The following JCAD variants were observed in gnomAD, a reference collection of about 807,000 sequenced individuals.
JCAD encodes junctional cadherin 5-associated protein.
A neutral mutation model predicts 98.0 loss-of-function variants in JCAD; 40 were observed. The observed-to-expected ratio is 0.41, with a 90% CI of 0.32 to 0.53. The LOEUF is 0.53. Ranked by LOEUF, JCAD falls within the 20% of genes least tolerant of loss-of-function variation. The pLI, the probability that JCAD is intolerant of heterozygous loss-of-function variation, is 0.31. For missense variants in JCAD, 1,705 were observed against 1,738.1 expected (o/e 0.98, Z 0.34); for synonymous variants, 691 against 682.3 (o/e 1.01, Z -0.20).
Position 30,026,801 on chromosome 10 carries a change from G to C in JCAD, c.3347C>G (p.Ala1116Gly). The change falls in exon 3 of 4, where the codon GCA becomes GGA. Residue 1116 changes from alanine (A) to glycine (G), a missense_variant. Ala to Gly is a moderately conservative substitution (Grantham distance 60, BLOSUM62 0). This residue lies in a region of JCAD where 1,278 missense variants were observed against 1,243.1 expected (regional missense o/e 1.03). Coordinates refer to ENST00000375377, the MANE Select transcript of JCAD (RefSeq NM_020848.4). ...GGGGGACTCTGGGGTGCAGGCACTT[G>C]CATCGGGCTCAGCAGGCTGGTTCTG... ...AGQNQPAEPD[A>G]SACTPESPQE... 1.2e-6 allele frequency: 2 copies of C among 1,614,096 alleles called. No individual in the cohort carries two copies. The highest frequency in any genetic ancestry group is 2.2e-5 in the East Asian group (1 of 44,878).
At chr10:30,092,057 A>ATATATATATATATAT (rs1838281292) in intron 1 of JCAD, among the ~76,000 whole-genome samples, 3 of 24,502 alleles carry the variant, frequency 1.2e-4, no homozygotes, top group South Asian at 1.0e-3. Flanking sequence ...AAAAAAAAAA[A>ATATATATATATATAT]AAAAAAAATA....
At chr10:30,091,505 T>A (rs2132695726) in intron 1 of JCAD, among the ~76,000 whole-genome samples, 1 of 152,210 alleles carries the variant, frequency 6.6e-6, no homozygotes, top group East Asian at 1.9e-4. Flanking sequence ...GCTTAAGCAA[T>A]CCTCCCACCT....
intron 1 of JCAD, among the ~76,000 whole-genome samples, chr10:30,103,390 G>A (rs3847406): frequency 0.064 from 9,728 of 152,108 alleles, 921 homozygotes; most frequent in African/African-American, 0.21. Flanking sequence ...CATATGATCC[G>A]GCAATCCTGG....
At chr10:30,049,864 C>T (rs1217912243) in intron 1 of JCAD, among the ~76,000 whole-genome samples, 2 of 152,074 alleles carry the variant, frequency 1.3e-5, no homozygotes. Context: ...AGTATGAACT[C>T]AATAAATACT....
chr10:30,100,766 G>A (rs756055821), intron 1 of JCAD, among the ~76,000 whole-genome samples: 5 of 152,174 alleles, frequency 3.3e-5, no homozygotes, highest in Non-Finnish European at 4.4e-5. Context: ...TAATATGAGT[G>A]ACCAATGGCC....
Position 30,027,508 on chromosome 10 carries a change from GCC to G in JCAD, c.2638_2639del (p.Gly880LeufsTer11). ...TCATTTCCGGGCTGTTTCCGCGGAA[GCC>G]CACATCCTCCTGTCTGCAGTGAGCA... is the stretch of plus-strand genomic sequence containing the variant. ...NRAHCRQEDV[G>X]FRGNSPEMRV... On this transcript the variant is annotated frameshift_variant, in exon 3 of 4. Coordinates refer to ENST00000375377, the MANE Select transcript of JCAD (RefSeq NM_020848.4). LOFTEE classifies it high-confidence loss of function. The G allele has an allele frequency of 6.2e-7, 1 of 1,610,666 alleles. No homozygotes were observed. Among genetic ancestry groups the G allele is most frequent in the South Asian group, 1.1e-5 (1 of 91,078 alleles).
rs1838186784 is a variant in JCAD at position 30,087,622 on chromosome 10, T to C, written n.129-17801A>G. Among the ~76,000 whole-genome samples, 10 of 152,282 alleles carry C rather than the reference T, an allele frequency of 6.6e-5. 1 individual carries two copies. In the South Asian group the frequency reaches 2.1e-3, roughly 32 times the overall value. On this transcript the variant is annotated intron_variant and non_coding_transcript_variant, in intron 1 of 2. Coordinates refer to the JCAD transcript ENST00000465712. The stretch of plus-strand genomic sequence containing the variant: ...CACTGTCCATGGCAGGGAAAGTATA[T>C]CTCATTTAGGGACATGGTATTAACA...
rs192274382 is a variant in JCAD at position 30,082,676 on chromosome 10, A to G, written n.129-12855T>C. On this transcript the variant is annotated intron_variant and non_coding_transcript_variant, in intron 1 of 2. Coordinates refer to the JCAD transcript ENST00000465712. Reference sequence around the variant, plus strand: ...AGACCAGCCTGACCAACATGGAGAAACCCCATCTGTACTAAAAACACAAAA... The same window carrying G: ...AGACCAGCCTGACCAACATGGAGAAGCCCCATCTGTACTAAAAACACAAAA... 6.6e-5 allele frequency among the ~76,000 whole-genome samples: 10 copies of G among 151,716 alleles called. 1 individual carries two copies.
At chr10:30,040,128 G>C (rs982334159) in intron 2 of JCAD, among the ~76,000 whole-genome samples, 1 of 152,210 alleles carries the variant, frequency 6.6e-6, no homozygotes, top group African/African-American at 2.4e-5. Flanking sequence ...GATTATTTCA[G>C]ATCGGCATTG....
upstream of JCAD, among the ~76,000 whole-genome samples, chr10:30,063,278 C>G (rs1837730090): frequency 6.6e-6 from 1 of 152,160 alleles, no homozygotes; most frequent in Non-Finnish European, 1.5e-5. Context: ...CCCTGGATGC[C>G]CAATGTCCCC....
rs749611729 is a variant in JCAD at position 30,029,461 on chromosome 10, A to G, written c.687T>C (p.Ser229=). 1.5e-5 allele frequency: 24 copies of G among 1,614,136 alleles called. No individual in the cohort carries two copies. The South Asian group carries it at 2.2e-4, about 15-fold the overall frequency. The change falls in exon 3 of 4, where the codon TCT becomes TCC. Residue 229 remains serine (S), a synonymous_variant. Coordinates refer to ENST00000375377, the MANE Select transcript of JCAD (RefSeq NM_020848.4). ...GGGAAAGAACTCTAGGCAGTGAGCG[A>G]GACTTCCCTTTGTTTTGAGAATTCA... ...HVLNSQNKGK[S]RSLPRVLSPE... is the part of the protein sequence containing the mutation.
At chr10:30,090,703 A>T (rs984996878) in intron 1 of JCAD, among the ~76,000 whole-genome samples, 11 of 152,182 alleles carry the variant, frequency 7.2e-5, no homozygotes. Flanking sequence ...AAAAACTGAA[A>T]ACCAAATCAC....
chr10:30,109,373 A>G (rs1209363957), intron 1 of JCAD, among the ~76,000 whole-genome samples: 10 of 151,940 alleles, frequency 6.6e-5, no homozygotes, highest in Non-Finnish European at 7.4e-5. Flanking sequence ...CCTACTCCTA[A>G]TGTCCCTATC....
chr10:30,101,269 C>T (rs544257912), intron 1 of JCAD, among the ~76,000 whole-genome samples: 8 of 152,098 alleles, frequency 5.3e-5, no homozygotes, highest in Admixed American at 5.2e-4. Flanking sequence ...TATAGCTGGG[C>T]GTGGTGGCCC....
chr10:30,022,976 G>A (rs1263905570), intron 3 of JCAD, among the ~76,000 whole-genome samples: 1 of 152,034 alleles, frequency 6.6e-6, no homozygotes, highest in Admixed American at 6.6e-5. Flanking sequence ...CATGGTAAGT[G>A]CCCTACAAAA....
At chr10:30,103,747 T>TTC (rs1223304397) in intron 1 of JCAD, among the ~76,000 whole-genome samples, 5 of 150,710 alleles carry the variant, frequency 3.3e-5, no homozygotes, top group African/African-American at 1.2e-4. Flanking sequence ...TTTTTTTTTT[T>TTC]TTTGGACAGA....
rs57450219 is a variant in JCAD at position 30,082,851 on chromosome 10, CAAA to C, written n.129-13033_129-13031del. Among the ~76,000 whole-genome samples, 453 of 68,366 alleles carry C rather than the reference CAAA, an allele frequency of 6.6e-3. 1 individual carries two copies. The highest frequency in any genetic ancestry group is 0.021 in the African/African-American group (373 of 17,836). The allele number at this position is 68,366 out of a possible 152,430, so 44.9% of individuals were successfully genotyped here. A position where few individuals can be genotyped will look rare whatever the true frequency, so the allele number is the denominator to read the frequency against. ...GGGCAACAAGAGTGAAACTCTGTCTCAAAAAAAAAAAAAAAAAAAAAAAAAACA... is the reference window on the plus strand; with the variant it reads ...GGGCAACAAGAGTGAAACTCTGTCTCAAAAAAAAAAAAAAAAAAAAAAACA... On this transcript the variant is annotated intron_variant and non_coding_transcript_variant, in intron 1 of 2. Coordinates refer to the JCAD transcript ENST00000465712.
Position 30,047,732 on chromosome 10 carries a change from G to T in JCAD, c.81C>A (p.Pro27=), listed in dbSNP as rs1196546558. 6.2e-7 allele frequency: 1 copy of T among 1,614,228 alleles called. No individual in the cohort carries two copies. The highest frequency in any genetic ancestry group is 1.1e-5 in the South Asian group (1 of 91,084). ...RDPPASREDN[P]KGRQAARTGT... Reference sequence around the variant, plus strand: ...CAGTCCTCGCTGCCTGGCGCCCCTTGGGGTTATCCTCGCGTGATGCTGGGG... The same window carrying T: ...CAGTCCTCGCTGCCTGGCGCCCCTTTGGGTTATCCTCGCGTGATGCTGGGG... Residue 27 remains proline, a synonymous_variant, in exon 2 of 4, where the codon CCC becomes CCA. Transcript: ENST00000375377.
At chr10:30,114,272 A>G (rs1302684856) in intron 1 of JCAD, among the ~76,000 whole-genome samples, 1 of 152,212 alleles carries the variant, frequency 6.6e-6, no homozygotes, top group East Asian at 1.9e-4. Flanking sequence ...TGGGAGATAC[A>G]GGATAAACAC....
Sources: gnomAD v4.1 joint callset for allele counts (sites outside exome capture counted in the v4.1 genomes callset) on GRCh38, gnomAD v4.1.1 for gene constraint, gnomAD v4.1.1 regional missense constraint, MANE v1.5 for transcripts, NCBI Gene and HGNC (gene_info 2026-07-23, HGNC 2026-07-21) for gene names.